The following EYS variants were observed in gnomAD, a reference collection of about 807,000 sequenced individuals.
EYS encodes the protein protein eyes shut homolog.
Under a neutral mutation model 282.1 loss-of-function variants are expected in EYS, and 250 were observed. The observed-to-expected ratio is 0.89, with a 90% confidence interval of 0.80 to 0.98. The LOEUF (loss-of-function observed/expected upper bound fraction) is 0.98. Among genes scored for constraint, EYS ranks in the 50% least tolerant of loss-of-function variants. The pLI, the probability that EYS is intolerant of heterozygous loss-of-function variation, is 0.00. For missense variants in EYS, 4,016 were observed against 3,709.0 expected, an observed-to-expected ratio of 1.08 and a Z score of -2.15; for synonymous variants, 1,355 against 1,282.9, an observed-to-expected ratio of 1.06 and a Z score of -1.20.
chr6:63,810,483 T>G (rs1160468073), intron 36 of EYS, among the ~76,000 whole-genome samples: 2 of 152,172 alleles, frequency 1.3e-5, no homozygotes, highest in Non-Finnish European at 2.9e-5. Flanking sequence ...GCCCACCGGC[T>G]GGTAGTAAAA....
chr6:65,211,505 G>C (rs902524310), intron 12 of EYS, among the ~76,000 whole-genome samples: 7 of 151,902 alleles, frequency 4.6e-5, no homozygotes, highest in Admixed American at 4.6e-4. Context: ...CAAGACAAAA[G>C]CTTTATATAT....
At chr6:63,768,154 C>T (rs1769843326) in intron 40 of EYS, among the ~76,000 whole-genome samples, 1 of 151,980 alleles carries the variant, frequency 6.6e-6, no homozygotes, top group African/African-American at 2.4e-5. Context: ...CCATTCTGGA[C>T]ATCAGGCTTG....
At chr6:65,478,111 A>C (rs1765474559) in intron 5 of EYS, among the ~76,000 whole-genome samples, 1 of 152,132 alleles carries the variant, frequency 6.6e-6, no homozygotes, top group Non-Finnish European at 1.5e-5. Context: ...GAACTTTGCA[A>C]ATCAGTAGGA....
intron 30 of EYS, among the ~76,000 whole-genome samples, chr6:64,234,248 A>G (rs1000509233): frequency 2.1e-5 from 3 of 143,746 alleles, no homozygotes; most frequent in Non-Finnish European, 4.6e-5. Context: ...TCTCATGTAA[A>G]GAAAACTCAC....
At chr6:65,692,023 A>G (rs1159807079) in intron 1 of EYS, among the ~76,000 whole-genome samples, 1 of 150,198 alleles carries the variant, frequency 6.7e-6, no homozygotes, top group Non-Finnish European at 1.5e-5. Flanking sequence ...AATACACTTA[A>G]GAGTCCATCA....
intron 2 of EYS, among the ~76,000 whole-genome samples, chr6:65,564,080 G>A (rs1040316003): frequency 2.6e-5 from 4 of 151,908 alleles, no homozygotes; most frequent in Admixed American, 1.3e-4. Context: ...GTGAAGGACC[G>A]CTTCAGGGAG....
Position 63,811,111 on chromosome 6 carries a change from A to G in EYS, c.7229-4739T>C, listed in dbSNP as rs546118179. On this transcript the variant is annotated intron_variant, in intron 36 of 42. Coordinates refer to ENST00000503581, the MANE Select transcript of EYS (RefSeq NM_001142800.2). ...TCTCTACTGCAGCATTCCCTTTAAC[A>G]TGAAATATGCTAGAATGTCCCCATC... Among the ~76,000 whole-genome samples the G allele has an allele frequency of 2.0e-5, 3 of 152,126 alleles. No homozygotes were observed. The East Asian group carries it at 5.8e-4, about 29-fold the overall frequency.
At chr6:65,501,215 C>A (rs1384301661) in intron 2 of EYS, among the ~76,000 whole-genome samples, 3 of 151,612 alleles carry the variant, frequency 2.0e-5, no homozygotes, top group African/African-American at 7.3e-5. Context: ...CTGTGAATGT[C>A]CATGTATACA....
At chr6:65,222,081 A>G (rs1032100763) in intron 12 of EYS, among the ~76,000 whole-genome samples, 5 of 152,154 alleles carry the variant, frequency 3.3e-5, no homozygotes, top group East Asian at 1.9e-4. Flanking sequence ...TTTCAGCATT[A>G]TAGGTGGAAG....
intron 31 of EYS, among the ~76,000 whole-genome samples, chr6:64,089,256 T>C (rs1772269218): frequency 6.6e-6 from 1 of 151,478 alleles, no homozygotes; most frequent in Non-Finnish European, 1.5e-5. Flanking sequence ...TAAGTCCATG[T>C]ATCTCCTTTC....
rs1016641266 is a variant in EYS, at chr6:64,778,487, C to G, written c.3443+34891G>C. Among the ~76,000 whole-genome samples the G allele has an allele frequency of 2.0e-5, 3 of 152,304 alleles. No homozygotes were observed. The South Asian group carries it at 6.2e-4, about 32-fold the overall frequency. On this transcript the variant is annotated intron_variant, in intron 22 of 42. Transcript: ENST00000503581. ...TCTTCTCTTCTTTTGTCACACAGGT[C>G]TACCCAGCTATAATGGAATACAACT...
chr6:64,533,180 T>G (rs2149794574), intron 26 of EYS, among the ~76,000 whole-genome samples: 1 of 152,250 alleles, frequency 6.6e-6, no homozygotes, highest in African/African-American at 2.4e-5. Flanking sequence ...AGAGAAAACT[T>G]ATTTAAAAAG....
At chr6:65,519,345 G>T (rs1053987707) in intron 2 of EYS, among the ~76,000 whole-genome samples, 14 of 151,080 alleles carry the variant, frequency 9.3e-5, no homozygotes, top group Non-Finnish European at 2.1e-4. Flanking sequence ...AAATGAGTTC[G>T]AACATTGTGC....
chr6:65,461,075 T>C (rs1764811526), intron 5 of EYS, among the ~76,000 whole-genome samples: 1 of 152,146 alleles, frequency 6.6e-6, no homozygotes, highest in Non-Finnish European at 1.5e-5. Context: ...AGAAATTGTA[T>C]TACTCAATTG....
At chr6:65,486,466 TA>T (rs957533179) in intron 5 of EYS, among the ~76,000 whole-genome samples, 1 of 152,164 alleles carries the variant, frequency 6.6e-6, no homozygotes, top group East Asian at 1.9e-4. Context: ...ATTAAACAGC[TA>T]AAAAAATTTA....
chr6:65,276,909 T>G (rs919380855), intron 12 of EYS, among the ~76,000 whole-genome samples: 1 of 152,192 alleles, frequency 6.6e-6, no homozygotes, highest in Non-Finnish European at 1.5e-5. Context: ...GTATAAAATA[T>G]TTTTTATTGT....
intron 29 of EYS, among the ~76,000 whole-genome samples, chr6:64,311,979 G>GTTTTTTTTT (rs61332669): frequency 0.011 from 1,520 of 139,884 alleles, 44 homozygotes; most frequent in African/African-American, 0.04. Flanking sequence ...GCTGCAGAAG[G>GTTTTTTTTT]TTTTTTTTTT....
At chr6:63,775,603 G>A (rs1770044353) in intron 40 of EYS, among the ~76,000 whole-genome samples, 1 of 152,038 alleles carries the variant, frequency 6.6e-6, no homozygotes, top group Non-Finnish European at 1.5e-5. Context: ...AAAGTTTAGA[G>A]CCATATAAAA....
At chr6:63,732,338 G>T (rs1054260679) in intron 41 of EYS, among the ~76,000 whole-genome samples, 1 of 151,956 alleles carries the variant, frequency 6.6e-6, no homozygotes, top group Admixed American at 6.6e-5. Flanking sequence ...CTTATTATTT[G>T]ATTAAGTATT....
Sources: allele counts gnomAD v4.1 joint callset (sites outside exome capture counted in the v4.1 genomes callset), GRCh38; gene constraint gnomAD v4.1.1; transcripts MANE v1.5; gene names NCBI Gene and HGNC (gene_info 2026-07-23, HGNC 2026-07-21).